SASH1: variants seen among roughly 807,000 people sequenced by gnomAD.
The protein encoded by SASH1 is SAM and SH3 domain containing 1.
A neutral mutation model predicts 125.2 loss-of-function variants in SASH1; 44 were observed. The ratio of observed to expected loss-of-function variants is 0.35; its 90% confidence interval spans 0.28 to 0.45. The LOEUF is 0.45. Ranked by LOEUF, SASH1 falls within the 20% of genes least tolerant of loss-of-function variation. The pLI is 1.00. For missense variants in SASH1, 1,426 were observed against 1,614.5 expected (o/e 0.88, Z 2.00); for synonymous variants, 639 against 649.1 (o/e 0.98, Z 0.24).
chr6:148,247,526 C>T, the SASH1 span, among the ~76,000 whole-genome samples: 1 of 152,164 alleles, frequency 6.6e-6, no homozygotes, highest in Non-Finnish European at 1.5e-5. Context: ...GTTGGCCCAT[C>T]CTGAACCCCT....
Position 148,474,233 on chromosome 6 carries a change from A to G in SASH1, c.627+11A>G. On this transcript the variant is annotated intron_variant, in intron 7 of 19. Transcript: ENST00000367467. ...GAAGCACTTGCTAGGGTAAGCATGC[A>G]GATACCTGGTTTATATTTGTGAGGA... The G allele has an allele frequency of 2.0e-6, 3 of 1,509,618 alleles. No individual in the cohort carries two copies. The highest frequency in any genetic ancestry group is 2.7e-6 in the Non-Finnish European group (3 of 1,096,780). The allele number at this position is 1,509,618 out of a possible 1,614,324, so 93.5% of individuals were successfully genotyped here. A position where few individuals can be genotyped will look rare whatever the true frequency, so the allele number is the denominator to read the frequency against.
At chr6:148,279,735 C>A (rs992817993) in intron 1 of SASH1, among the ~76,000 whole-genome samples, 1 of 152,110 alleles carries the variant, frequency 6.6e-6, no homozygotes, top group Non-Finnish European at 1.5e-5. Flanking sequence ...TGGCTCACAC[C>A]TGAAATCCTA....
chr6:148,438,918 G>A (rs753707796), intron 2 of SASH1, among the ~76,000 whole-genome samples: 2 of 151,960 alleles, frequency 1.3e-5, no homozygotes, highest in Non-Finnish European at 2.9e-5. Flanking sequence ...CTCTATATTC[G>A]TGCTGGATTC....
At chr6:148,443,558 T>G (rs953697058) in intron 4 of SASH1, among the ~76,000 whole-genome samples, 4 of 76,996 alleles carry the variant, frequency 5.2e-5, no homozygotes, top group African/African-American at 2.1e-4. Context: ...GAAACTATTA[T>G]GTTTCTCATC....
chr6:148,294,424 A>G (rs536348208), intron 1 of SASH1, among the ~76,000 whole-genome samples: 1 of 152,246 alleles, frequency 6.6e-6, no homozygotes, highest in South Asian at 2.1e-4. Context: ...CTCAGTAGGG[A>G]TGGATGGTAT....
At chr6:148,515,867 G>A (rs1268132409) in intron 9 of SASH1, among the ~76,000 whole-genome samples, 1 of 152,152 alleles carries the variant, frequency 6.6e-6, no homozygotes, top group Non-Finnish European at 1.5e-5. Context: ...TCAAGCCTCA[G>A]ATATAACAAA....
intron 16 of SASH1, among the ~76,000 whole-genome samples, chr6:148,536,019 A>G (rs1343309131): frequency 6.6e-6 from 1 of 152,222 alleles, no homozygotes; most frequent in Non-Finnish European, 1.5e-5. Context: ...ACACACCATC[A>G]GATAGATGTC....
At chr6:148,266,130 G>A in the SASH1 span, among the ~76,000 whole-genome samples, 3 of 151,994 alleles carry the variant, frequency 2.0e-5, no homozygotes, top group Admixed American at 6.6e-5. Context: ...CCACCACCAC[G>A]CCCAGCTAAT....
intron 4 of SASH1, among the ~76,000 whole-genome samples, chr6:148,464,822 T>C (rs1352240204): frequency 6.6e-6 from 1 of 152,158 alleles, no homozygotes. Context: ...CTCACGCTTA[T>C]GAAACATGGG....
At chr6:148,200,279 G>A in the SASH1 span, among the ~76,000 whole-genome samples, 3 of 152,232 alleles carry the variant, frequency 2.0e-5, no homozygotes, top group Middle Eastern at 3.4e-3. Context: ...ACCTCATTTT[G>A]TGTCTTTAGA....
intron 10 of SASH1, chr6:148,524,446 G>GAATC (rs1461027072): frequency 6.6e-6 from 1 of 152,114 alleles, no homozygotes; most frequent in Non-Finnish European, 1.5e-5. Flanking sequence ...CAGTGAATTT[G>GAATC]AATCAAGTTC....
the SASH1 span, among the ~76,000 whole-genome samples, chr6:148,233,240 A>G: frequency 6.6e-6 from 1 of 151,540 alleles, no homozygotes; most frequent in African/African-American, 2.4e-5. Flanking sequence ...AAAATAGTGA[A>G]GCACAGCCAA....
chr6:148,518,382 TTTG>T (rs759628933), intron 9 of SASH1, among the ~76,000 whole-genome samples: 7 of 152,182 alleles, frequency 4.6e-5, no homozygotes, highest in East Asian at 1.9e-4. Flanking sequence ...GCTGTTCTTT[TTTG>T]TTGTTGTTGT....
At chr6:148,231,699 G>A in the SASH1 span, among the ~76,000 whole-genome samples, 1 of 152,042 alleles carries the variant, frequency 6.6e-6, no homozygotes, top group African/African-American at 2.4e-5. Flanking sequence ...TGATAGAAAG[G>A]TGAACATAAG....
the SASH1 span, among the ~76,000 whole-genome samples, chr6:148,199,297 C>G: frequency 6.6e-6 from 1 of 151,600 alleles, no homozygotes; most frequent in African/African-American, 2.4e-5. Context: ...CACTTGAACC[C>G]GAGAGGCAGA....
the SASH1 span, among the ~76,000 whole-genome samples, chr6:148,242,667 CA>C: frequency 6.6e-6 from 1 of 152,100 alleles, no homozygotes; most frequent in Non-Finnish European, 1.5e-5. Context: ...GTAGTTCTTT[CA>C]AAAAGGGTAG....
intron 12 of SASH1, among the ~76,000 whole-genome samples, chr6:148,528,032 G>A (rs953061839): frequency 6.9e-6 from 1 of 144,606 alleles, no homozygotes; most frequent in African/African-American, 2.6e-5. Flanking sequence ...AGCATAAGTT[G>A]TTCTAGAAGC....
At chr6:148,223,682 GA>G in the SASH1 span, among the ~76,000 whole-genome samples, 1 of 152,136 alleles carries the variant, frequency 6.6e-6, no homozygotes, top group Non-Finnish European at 1.5e-5. Context: ...ATAAAACAAG[GA>G]GTGACTAATT....
At chr6:148,195,886 C>G in the SASH1 span, among the ~76,000 whole-genome samples, 2 of 152,180 alleles carry the variant, frequency 1.3e-5, no homozygotes, top group African/African-American at 4.8e-5. Context: ...TGGTATATTT[C>G]CACAGTGGCT....
Sources: allele counts gnomAD v4.1 joint callset (sites outside exome capture counted in the v4.1 genomes callset), GRCh38; gene constraint gnomAD v4.1.1; transcripts MANE v1.5; gene names NCBI Gene and HGNC (gene_info 2026-07-23, HGNC 2026-07-21).